Variants in ATP6V1A observed in about 807,000 individuals in gnomAD.
The protein encoded by ATP6V1A is V-type proton ATPase catalytic subunit A.
A neutral mutation model predicts 70.1 loss-of-function variants in ATP6V1A; 18 were observed. The ratio of observed to expected loss-of-function variants is 0.26; its 90% CI spans 0.18 to 0.38. ATP6V1A has a LOEUF of 0.38. Ranked by LOEUF, ATP6V1A falls within the 10% of genes least tolerant of loss-of-function variation. ATP6V1A has a pLI of 1.00. For missense variants in ATP6V1A, 424 were observed against 772.4 expected (o/e 0.55, Z 5.35); for synonymous variants, 232 against 253.8 (o/e 0.91, Z 0.82).
chr3:113,809,071 G>A (rs1709310985), intron 14 of ATP6V1A, among the ~76,000 whole-genome samples: 1 of 150,926 alleles, frequency 6.6e-6, no homozygotes, highest in South Asian at 2.1e-4. Context: ...CCAACATGGT[G>A]AAACCTGTCT....
intron 1 of ATP6V1A, among the ~76,000 whole-genome samples, chr3:113,765,621 G>A (rs1331271866): frequency 6.7e-6 from 1 of 150,282 alleles, no homozygotes; most frequent in Non-Finnish European, 1.5e-5. Flanking sequence ...ACAAAAAAGA[G>A]AGAGAGAGAT....
intron 1 of ATP6V1A, among the ~76,000 whole-genome samples, chr3:113,771,050 A>G (rs1481447322): frequency 2.0e-5 from 3 of 150,894 alleles, no homozygotes; most frequent in Non-Finnish European, 4.4e-5. Context: ...AACCGAGATC[A>G]TGCCACTGCA....
chr3:113,767,131 G>A (rs1460857393), intron 1 of ATP6V1A, among the ~76,000 whole-genome samples: 3 of 139,642 alleles, frequency 2.1e-5, no homozygotes, highest in South Asian at 2.3e-4. Context: ...TTGCTCTGGC[G>A]CCCAGACTAG....
intron 1 of ATP6V1A, among the ~76,000 whole-genome samples, chr3:113,776,908 A>G (rs1708920078): frequency 6.6e-6 from 1 of 152,136 alleles, no homozygotes; most frequent in African/African-American, 2.4e-5. Flanking sequence ...TGTCTTTGCT[A>G]CCTTTCTTTT....
chr3:113,805,663 G>A (rs2108046188), intron 14 of ATP6V1A, 138 bp downstream of exon 14: 1 of 840,374 alleles, frequency 1.2e-6, no homozygotes, highest in Admixed American at 2.9e-5. Flanking sequence ...CTGCCTCCTG[G>A]GTTCAAACGA....
At chr3:113,770,040 T>C (rs1708817409) in intron 1 of ATP6V1A, among the ~76,000 whole-genome samples, 1 of 150,878 alleles carries the variant, frequency 6.6e-6, no homozygotes, top group Admixed American at 6.6e-5. Flanking sequence ...TTTATTTATT[T>C]ATTTATTTAT....
Position 113,784,435 on chromosome 3 carries a change from A to C in ATP6V1A, c.423A>C (p.Leu141=), listed in dbSNP as rs763408784. ...GGGACTTTACACCTTGCAAAAACCT[A>C]CGGGTATGTCTGTGTAACCAAGAAT... The part of the protein sequence containing the change: ...IKWDFTPCKN[L]RVGSHITGGD... Residue 141 remains leucine (L), a synonymous_variant, in exon 4 of 15, where the codon CTA becomes CTC. Transcript: ENST00000273398. 6.2e-7 allele frequency: 1 copy of C among 1,607,660 alleles called. No homozygotes were observed. The highest frequency in any genetic ancestry group is 8.5e-7 in the Non-Finnish European group (1 of 1,174,316).
rs186330562 is a variant in ATP6V1A at position 113,761,927 on chromosome 3, C to T, written c.-14+14814C>T. On this transcript the variant is annotated intron_variant, in intron 1 of 14. Coordinates refer to ENST00000273398, the MANE Select transcript of ATP6V1A (RefSeq NM_001690.4). ...CAGCACTTTGGGAGGCCAAAGCGGGCGGATCACCTGAGGTCAGGAGTTCGA... is the reference window on the plus strand; with the variant it reads ...CAGCACTTTGGGAGGCCAAAGCGGGTGGATCACCTGAGGTCAGGAGTTCGA... Among the ~76,000 whole-genome samples the T allele has an allele frequency of 4.2e-5, 5 of 118,874 alleles. 1 individual carries two copies. The highest frequency in any genetic ancestry group is 1.6e-4 in the African/African-American group (5 of 31,974). 78.0% of individuals were successfully genotyped at this position (118,874 alleles called of 152,430 possible).
At chr3:113,772,098 T>C (rs1296842004) in intron 1 of ATP6V1A, among the ~76,000 whole-genome samples, 3 of 152,136 alleles carry the variant, frequency 2.0e-5, no homozygotes, top group Non-Finnish European at 4.4e-5. Context: ...GTGGGAGAGA[T>C]CTGGAGTGAT....
At chr3:113,749,025 G>A (rs1167730891) in intron 1 of ATP6V1A, among the ~76,000 whole-genome samples, 1 of 152,108 alleles carries the variant, frequency 6.6e-6, no homozygotes, top group Non-Finnish European at 1.5e-5. Flanking sequence ...GTCCTGTCTG[G>A]CTGAGACCAA....
At chr3:113,770,396 G>T (rs1354514278) in intron 1 of ATP6V1A, among the ~76,000 whole-genome samples, 1 of 152,060 alleles carries the variant, frequency 6.6e-6, no homozygotes, top group East Asian at 1.9e-4. Context: ...TAGCTGTATA[G>T]GCCGGGCACG....
intron 8 of ATP6V1A, among the ~76,000 whole-genome samples, chr3:113,792,170 T>G (rs1429745964): frequency 1.3e-5 from 2 of 152,244 alleles, no homozygotes; most frequent in Non-Finnish European, 2.9e-5. Context: ...TTCTTTTAAA[T>G]GGCTGCACAG....
chr3:113,786,401 C>G lies in ATP6V1A; in HGVS notation c.716+18C>G, dbSNP rs748310520. The G allele has an allele frequency of 6.2e-6, 10 of 1,611,048 alleles. No individual in the cohort carries two copies. Among genetic ancestry groups the G allele is most frequent in the Non-Finnish European group, 7.6e-6 (9 of 1,178,342 alleles). On this transcript the variant is annotated intron_variant, in intron 6 of 14. Transcript: ENST00000273398. ...CTTTTTCCGTAAGTTTGAGATGTGTCCCACGATTTTCCCTCAGAGTTATTA... is the reference window on the plus strand; with the variant it reads ...CTTTTTCCGTAAGTTTGAGATGTGTGCCACGATTTTCCCTCAGAGTTATTA...
chr3:113,762,436 C>A (rs932391749), intron 1 of ATP6V1A, among the ~76,000 whole-genome samples: 1 of 151,974 alleles, frequency 6.6e-6, no homozygotes, highest in Non-Finnish European at 1.5e-5. Context: ...GGCGTGGTGG[C>A]GCATACCTGT....
chr3:113,767,079 GTTATGTCTT>G, intron 1 of ATP6V1A, among the ~76,000 whole-genome samples: 2 of 136,206 alleles, frequency 1.5e-5, no homozygotes, highest in Admixed American at 1.5e-4. Context: ...AGTAGTTGAT[GTTATGTCTT>G]TTTTTTTTTT....
intron 1 of ATP6V1A, among the ~76,000 whole-genome samples, chr3:113,747,804 G>A (rs1177703743): frequency 3.3e-5 from 5 of 152,180 alleles, no homozygotes; most frequent in Non-Finnish European, 7.3e-5. Flanking sequence ...CGACAGTCTC[G>A]ATTGAATGAG....
Position 113,789,757 on chromosome 3 carries a change from T to C in ATP6V1A, c.905T>C (p.Val302Ala). 1 of 1,612,062 alleles carries C rather than the reference T, an allele frequency of 6.2e-7. No individual in the cohort carries two copies. The highest frequency in any genetic ancestry group is 2.2e-5 in the East Asian group (1 of 44,838). ...CTCACAATGGAGGTTGATGGTAAGG[T>C]AGAGTCAATTATGAAGAGGACAGCT... is the stretch of plus-strand genomic sequence containing the variant. ...PELTMEVDGK[V>A]ESIMKRTALV... is the part of the protein sequence containing the mutation. Residue 302 changes from valine to alanine, a missense_variant, in exon 8 of 15, where the codon GTA becomes GCA. Around this residue, in one of 9 missense-constraint regions of ATP6V1A, gnomAD observed 18 missense variants for 16.2 expected, o/e 1.11. Coordinates refer to ENST00000273398, the MANE Select transcript of ATP6V1A (RefSeq NM_001690.4).
At chr3:113,791,926 A>G (rs1709096456) in intron 8 of ATP6V1A, among the ~76,000 whole-genome samples, 1 of 149,450 alleles carries the variant, frequency 6.7e-6, no homozygotes, top group African/African-American at 2.5e-5. Flanking sequence ...AAGTTTGCAG[A>G]AGCTTTATCT....
chr3:113,778,697 T>C, intron 1 of ATP6V1A, 44 bp from the exon 2 acceptor site: 1 of 1,258,850 alleles, frequency 7.9e-7, no homozygotes, highest in Non-Finnish European at 1.1e-6. Flanking sequence ...TCTTTTGCTT[T>C]ACGGTTTATA....
Sources: gnomAD v4.1 joint callset for allele counts (sites outside exome capture counted in the v4.1 genomes callset) on GRCh38, gnomAD v4.1.1 for gene constraint, gnomAD v4.1.1 regional missense constraint, MANE v1.5 for transcripts, NCBI Gene and HGNC (gene_info 2026-07-23, HGNC 2026-07-21) for gene names.